The following TAFA2 variants were observed in gnomAD, a reference collection of about 807,000 sequenced individuals.
The protein encoded by TAFA2 is chemokine-like protein TAFA-2.
A neutral mutation model predicts 18.8 loss-of-function variants in TAFA2; 7 were observed. That is an observed-to-expected ratio of 0.37 (90% CI 0.21 to 0.70). The LOEUF (loss-of-function observed/expected upper bound fraction) is 0.70, where lower values mean the gene tolerates loss of function less well. TAFA2 is among the 30% of genes least tolerant of loss of function. The probability of loss-of-function intolerance (pLI) is 0.53; values close to 1 mark genes in which losing one functional copy is unlikely to be tolerated. For synonymous variants in TAFA2, 60 were observed against 54.2 expected, an observed-to-expected ratio of 1.11 and a Z score of -0.47; for missense variants, 122 against 158.1, an observed-to-expected ratio of 0.77 and a Z score of 1.23.
intron 1 of TAFA2, among the ~76,000 whole-genome samples, chr12:62,145,873 T>G (rs1261892195): frequency 6.6e-6 from 1 of 152,218 alleles, no homozygotes; most frequent in East Asian, 1.9e-4. Flanking sequence ...CCAAGTGTTA[T>G]ACCCCACAGC....
intron 2 of TAFA2, among the ~76,000 whole-genome samples, chr12:61,821,322 G>T (rs889706828): frequency 4.6e-5 from 7 of 151,876 alleles, no homozygotes; most frequent in African/African-American, 1.7e-4. Flanking sequence ...TTACCACATG[G>T]CATCTATTTT....
chr12:61,938,754 CA>C (rs916010645), intron 1 of TAFA2, among the ~76,000 whole-genome samples: 1 of 152,070 alleles, frequency 6.6e-6, no homozygotes, highest in Admixed American at 6.6e-5. Context: ...ATGTCTTTTG[CA>C]GCAACTTGGA....
intron 1 of TAFA2, among the ~76,000 whole-genome samples, chr12:61,898,047 C>T (rs1360122992): frequency 6.6e-6 from 1 of 152,240 alleles, no homozygotes; most frequent in Non-Finnish European, 1.5e-5. Flanking sequence ...AGTCCAAAAT[C>T]CAGCAGGACA....
chr12:61,814,858 C>CCA (rs1872013191), intron 2 of TAFA2, among the ~76,000 whole-genome samples: 1 of 151,310 alleles, frequency 6.6e-6, no homozygotes, highest in Non-Finnish European at 1.5e-5. Context: ...AAGGGTGAAG[C>CCA]CACAAGCCAA....
At chr12:62,019,589 G>A (rs367772926) in intron 1 of TAFA2, among the ~76,000 whole-genome samples, 225 of 149,958 alleles carry the variant, frequency 1.5e-3, no homozygotes, top group South Asian at 7.9e-3. Context: ...CAAACACCGC[G>A]TGTTCTCACT....
intron 1 of TAFA2, among the ~76,000 whole-genome samples, chr12:62,022,550 T>G (rs1221452212): frequency 1.3e-5 from 2 of 152,186 alleles, no homozygotes; most frequent in Admixed American, 6.5e-5. Flanking sequence ...ACTTGCTAAG[T>G]GCTTCAGTGT....
At chr12:61,998,028 G>A (rs1487560139) in intron 1 of TAFA2, among the ~76,000 whole-genome samples, 2 of 152,040 alleles carry the variant, frequency 1.3e-5, no homozygotes, top group Non-Finnish European at 2.9e-5. Context: ...TCATGGGTCA[G>A]ATGTAAATTA....
intron 1 of TAFA2, among the ~76,000 whole-genome samples, chr12:62,175,687 CA>C (rs1468273220): frequency 1.3e-5 from 2 of 151,996 alleles, no homozygotes; most frequent in Non-Finnish European, 2.9e-5. Flanking sequence ...TCTATTCTTT[CA>C]AAAGGGGCCT....
At chr12:61,824,091 T>C (rs539966517) in intron 2 of TAFA2, among the ~76,000 whole-genome samples, 13 of 152,278 alleles carry the variant, frequency 8.5e-5, no homozygotes, top group Non-Finnish European at 1.9e-4. Flanking sequence ...CCTTGTCAGC[T>C]GTGACGAAGC....
intron 1 of TAFA2, among the ~76,000 whole-genome samples, chr12:62,027,718 C>G (rs1169693058): frequency 6.6e-6 from 1 of 152,082 alleles, no homozygotes; most frequent in Non-Finnish European, 1.5e-5. Flanking sequence ...TTCAGTGCAG[C>G]AGATTATATT....
intron 2 of TAFA2, among the ~76,000 whole-genome samples, chr12:61,788,524 T>C (rs566959636): frequency 1.3e-5 from 2 of 151,646 alleles, no homozygotes; most frequent in South Asian, 2.1e-4. Context: ...ATCACAATAG[T>C]ATAAAGCTAA....
intron 1 of TAFA2, among the ~76,000 whole-genome samples, chr12:62,211,064 T>G (rs1271915237): frequency 1.3e-5 from 2 of 152,108 alleles, no homozygotes; most frequent in African/African-American, 4.8e-5. Flanking sequence ...CAGCAAGAGA[T>G]CTTTAGGACT....
At chr12:62,113,586 G>A (rs1157532786) in intron 1 of TAFA2, among the ~76,000 whole-genome samples, 2 of 152,124 alleles carry the variant, frequency 1.3e-5, no homozygotes, top group Non-Finnish European at 2.9e-5. Context: ...CTGAAGCTGC[G>A]CCCAGAGCTG....
At chr12:62,015,694 A>G (rs536180674) in intron 1 of TAFA2, among the ~76,000 whole-genome samples, 65 of 152,322 alleles carry the variant, frequency 4.3e-4, no homozygotes, top group African/African-American at 1.5e-3. Flanking sequence ...TTGCAAGACA[A>G]TTGCATTAAG....
At chr12:61,967,116 T>C (rs1173801524) in intron 1 of TAFA2, among the ~76,000 whole-genome samples, 1 of 151,834 alleles carries the variant, frequency 6.6e-6, no homozygotes. Context: ...GATCTTTGCT[T>C]GTGGGTCAGG....
At chr12:61,897,397 C>T (rs148503104) in intron 1 of TAFA2, among the ~76,000 whole-genome samples, 92 of 152,118 alleles carry the variant, frequency 6.0e-4, no homozygotes, top group African/African-American at 2.1e-3. Flanking sequence ...TTTCACACTG[C>T]TATAAAGAAC....
At chr12:61,896,530 G>A (rs1376608182) in intron 1 of TAFA2, among the ~76,000 whole-genome samples, 2 of 152,150 alleles carry the variant, frequency 1.3e-5, no homozygotes. Context: ...GCCACTTCAA[G>A]TGCTTGAAGC....
intron 1 of TAFA2, among the ~76,000 whole-genome samples, chr12:62,026,493 T>C (rs1173495887): frequency 1.3e-5 from 2 of 152,108 alleles, no homozygotes; most frequent in Non-Finnish European, 2.9e-5. Context: ...GATCTGCTTC[T>C]TGGTCTGATT....
intron 1 of TAFA2, among the ~76,000 whole-genome samples, chr12:61,952,314 A>G (rs994089609): frequency 2.0e-5 from 3 of 152,158 alleles, no homozygotes; most frequent in African/African-American, 7.2e-5. Context: ...TAAAGAAGCT[A>G]TGAGACTTTC....
Sources: gnomAD v4.1 joint callset for allele counts (sites outside exome capture counted in the v4.1 genomes callset) on GRCh38, gnomAD v4.1.1 for gene constraint, MANE v1.5 for transcripts, NCBI Gene and HGNC (gene_info 2026-07-23, HGNC 2026-07-21) for gene names.